SOX5: variants seen among roughly 807,000 people sequenced by gnomAD.
The protein encoded by SOX5 is SRY-box transcription factor 5.
Under a neutral mutation model 92.0 loss-of-function variants are expected in SOX5, and 9 were observed. The ratio of observed to expected loss-of-function variants is 0.10; its 90% CI spans 0.06 to 0.17. SOX5 has a LOEUF of 0.17. Among genes scored for constraint, SOX5 ranks in the 10% least tolerant of loss-of-function variants. SOX5 has a pLI of 1.00. For missense variants in SOX5, 642 were observed against 944.5 expected, an observed-to-expected ratio of 0.68 and a Z score of 4.20; for synonymous variants, 344 against 336.3, an observed-to-expected ratio of 1.02 and a Z score of -0.25.
chr12:24,366,038 G>A (rs867705436), intron 2 of SOX5, among the ~76,000 whole-genome samples: 1 of 152,010 alleles, frequency 6.6e-6, no homozygotes, highest in Non-Finnish European at 1.5e-5. Context: ...ATCCTGGATG[G>A]CTATGGGTAT....
chr12:24,318,158 G>A (rs988122597), intron 2 of SOX5, among the ~76,000 whole-genome samples: 4 of 152,142 alleles, frequency 2.6e-5, no homozygotes, highest in Non-Finnish European at 5.9e-5. Flanking sequence ...GCAGTGAACC[G>A]AGATCATACC....
intron 3 of SOX5, among the ~76,000 whole-genome samples, chr12:23,783,700 C>T (rs887112464): frequency 6.6e-6 from 1 of 152,092 alleles, no homozygotes; most frequent in Admixed American, 6.5e-5. Context: ...TTTTTCTTTT[C>T]TTTTTGTCTT....
In SOX5 at chr12:24,257,901, G is replaced by A. The variant is rs115299466; in HGVS notation, c.-77+19315C>T. On this transcript the variant is annotated intron_variant, in intron 3 of 4. Coordinates refer to the SOX5 transcript ENST00000446891. ...TTTAAAGCCCCTATTCTGGTCAGGC[G>A]CCATGGCTCACGCCTGTAATCCCAG... Among the ~76,000 whole-genome samples the A allele has an allele frequency of 3.6e-3, 552 of 152,090 alleles. 8 individuals are homozygous for A. Among genetic ancestry groups the A allele is most frequent in the African/African-American group, 0.013 (531 of 41,470 alleles).
intron 3 of SOX5, among the ~76,000 whole-genome samples, chr12:24,275,092 T>C (rs1462181322): frequency 6.6e-6 from 1 of 152,184 alleles, no homozygotes; most frequent in East Asian, 1.9e-4. Context: ...CAACTCTCCT[T>C]GAACAGAGAT....
chr12:24,103,433 T>G (rs775906558), intron 4 of SOX5, among the ~76,000 whole-genome samples: 1 of 152,030 alleles, frequency 6.6e-6, no homozygotes, highest in Non-Finnish European at 1.5e-5. Flanking sequence ...TAGCTCACTT[T>G]AGCCTCACAC....
chr12:23,564,272 G>A (rs11046978), intron 10 of SOX5, among the ~76,000 whole-genome samples: 1 of 152,094 alleles, frequency 6.6e-6, no homozygotes, highest in African/African-American at 2.4e-5. Context: ...ATGCATATTA[G>A]TACGATGATC....
At chr12:23,743,455 G>A (rs539583953) in intron 4 of SOX5, among the ~76,000 whole-genome samples, 551 of 151,968 alleles carry the variant, frequency 3.6e-3, no homozygotes, top group South Asian at 0.01. Flanking sequence ...GATTACAGGC[G>A]CATGCCACCA....
chr12:23,773,420 G>A (rs113294636), intron 3 of SOX5, among the ~76,000 whole-genome samples: 13,465 of 152,192 alleles, frequency 0.088, 657 homozygotes, highest in African/African-American at 0.11. Context: ...CACCCAGGCT[G>A]GAGTGCAGTG....
intron 2 of SOX5, among the ~76,000 whole-genome samples, chr12:24,315,658 AT>A (rs1949629155): frequency 6.6e-6 from 1 of 152,184 alleles, no homozygotes; most frequent in African/African-American, 2.4e-5. Context: ...AGAAAAAAAA[AT>A]CAAAATAAAA....
chr12:23,644,238 C>G (rs909808048), intron 7 of SOX5, among the ~76,000 whole-genome samples: 3 of 152,202 alleles, frequency 2.0e-5, no homozygotes, highest in African/African-American at 7.2e-5. Flanking sequence ...CAATAGCAAG[C>G]AAAGAAATGA....
chr12:23,721,118 T>C lies in SOX5; in HGVS notation c.810+13566A>G, dbSNP rs2092791695. Among the ~76,000 whole-genome samples, 3 of 152,112 alleles carry C rather than the reference T, an allele frequency of 2.0e-5. No homozygotes were observed. The South Asian group carries it at 6.2e-4, about 31-fold the overall frequency. The stretch of plus-strand genomic sequence containing the variant: ...ATTTATTTTTGAGACGGAGTTTCAC[T>C]CTTGTTGCCCAGGCTGGAGTGCAAT... On this transcript the variant is annotated intron_variant, in intron 6 of 14. Transcript: ENST00000451604.
intron 1 of SOX5, among the ~76,000 whole-genome samples, chr12:24,375,632 A>T (rs937690613): frequency 6.6e-6 from 1 of 151,282 alleles, no homozygotes; most frequent in African/African-American, 2.4e-5. Context: ...GCTACTTGGC[A>T]GGCTGGGGCA....
intron 6 of SOX5, among the ~76,000 whole-genome samples, chr12:23,723,579 TATACAC>T (rs2092946050): frequency 2.0e-5 from 3 of 147,530 alleles, no homozygotes; most frequent in South Asian, 2.1e-4. Context: ...TATATATATA[TATACAC>T]ACACACACAC....
chr12:24,354,520 C>A (rs1171141702), intron 2 of SOX5, among the ~76,000 whole-genome samples: 2 of 152,230 alleles, frequency 1.3e-5, no homozygotes, highest in African/African-American at 4.8e-5. Flanking sequence ...TCTGTCAGTA[C>A]AGAACATTTA....
intron 1 of SOX5, among the ~76,000 whole-genome samples, chr12:23,942,947 G>C (rs1238329433): frequency 6.6e-6 from 1 of 152,048 alleles, no homozygotes. Context: ...TAGAAACGCT[G>C]TTACATATGA....
intron 2 of SOX5, among the ~76,000 whole-genome samples, chr12:23,858,117 C>A (rs1030692814): frequency 9.2e-5 from 14 of 151,752 alleles, no homozygotes; most frequent in Non-Finnish European, 2.1e-4. Context: ...CATATATGTG[C>A]ACTTTGTTGT....
intron 7 of SOX5, among the ~76,000 whole-genome samples, chr12:23,662,565 C>A (rs2083205174): frequency 6.6e-6 from 1 of 152,136 alleles, no homozygotes; most frequent in Admixed American, 6.6e-5. Context: ...GGTTTCCATT[C>A]CACACCATAT....
intron 3 of SOX5, among the ~76,000 whole-genome samples, chr12:24,263,552 A>AAAAAAAAAAAAAAAAAT (rs1565782080): frequency 6.9e-6 from 1 of 145,398 alleles, no homozygotes; most frequent in Non-Finnish European, 1.5e-5. Flanking sequence ...AAAAAAAAAA[A>AAAAAAAAAAAAAAAAAT]CAAAAACAAG....
intron 2 of SOX5, among the ~76,000 whole-genome samples, chr12:24,310,605 A>G (rs185889804): frequency 6.6e-6 from 1 of 152,294 alleles, no homozygotes; most frequent in Admixed American, 6.5e-5. Flanking sequence ...GAAACCTACA[A>G]AATCTAACTT....
Sources: allele counts gnomAD v4.1 joint callset (sites outside exome capture counted in the v4.1 genomes callset), GRCh38; gene constraint gnomAD v4.1.1; transcripts MANE v1.5; gene names NCBI Gene and HGNC (gene_info 2026-07-23, HGNC 2026-07-21).